Variants in FLNB observed in about 807,000 individuals in gnomAD.
The protein encoded by FLNB is filamin B.
FLNB carries 111 observed loss-of-function variants against 250.6 expected under a neutral mutation model. The observed-to-expected ratio is 0.44, with a 90% CI of 0.38 to 0.52. The LOEUF (loss-of-function observed/expected upper bound fraction) is 0.52. Among genes scored for constraint, FLNB ranks in the 20% least tolerant of loss-of-function variants. FLNB has a pLI of 0.00. For missense variants in FLNB, 2,869 were observed against 3,447.8 expected (o/e 0.83, Z 4.20); for synonymous variants, 1,302 against 1,372.1 (o/e 0.95, Z 1.13).
intron 43 of FLNB, chr3:58,163,632 A>G (rs1223700862): frequency 4.6e-6 from 2 of 432,574 alleles, no homozygotes; most frequent in Non-Finnish European, 8.6e-6. Context: ...TAGTCAGGGA[A>G]CACAGCACAG....
intron 8 of FLNB, among the ~76,000 whole-genome samples, chr3:58,100,371 A>ATATATATATATATATATAT (rs1273706014): frequency 2.0e-4 from 5 of 25,248 alleles, no homozygotes; most frequent in African/African-American, 9.1e-4. Flanking sequence ...ATGTAAAAAA[A>ATATATATATATATATATAT]AAATATATAT....
At chr3:58,056,105 ATTTTTTTT>A (rs781244971) in intron 1 of FLNB, among the ~76,000 whole-genome samples, 8 of 128,730 alleles carry the variant, frequency 6.2e-5, no homozygotes, top group South Asian at 2.3e-4. Flanking sequence ...TTATTTATTT[ATTTTTTTT>A]TTTTTTGAGG....
At chr3:58,114,714 T>TG (rs1267542382) in intron 18 of FLNB, among the ~76,000 whole-genome samples, 5 of 146,240 alleles carry the variant, frequency 3.4e-5, no homozygotes, top group African/African-American at 1.3e-4. Context: ...TCTGTTTTTT[T>TG]TTTTTGTTGT....
At position 58,118,900 on chromosome 3, in the gene FLNB, G is replaced by A. The variant is rs775497173; in HGVS notation, c.2774G>A (p.Gly925Asp). The A allele has an allele frequency of 1.2e-6, 2 of 1,613,948 alleles. No homozygotes were observed. The highest frequency in any genetic ancestry group is 4.5e-5 in the East Asian group (2 of 44,890). ...QGNMQVLVTY[G>D]GDPIPKSPFT... ...AACATGCAGGTTCTGGTGACTTACG[G>A]TGGCGATCCCATCCCTAAAAGCCCT... Residue 925 changes from glycine to aspartate, a missense_variant, in exon 19 of 46, where the codon GGT becomes GAT. Physicochemically the swap from Gly to Asp is moderately conservative, Grantham distance 94. Transcript: ENST00000295956.
intron 29 of FLNB, 102 bp downstream of exon 29, chr3:58,138,631 C>A (rs1163222461): frequency 2.7e-6 from 4 of 1,490,052 alleles, no homozygotes; most frequent in Non-Finnish European, 3.7e-6. Flanking sequence ...CCTTTTTTTT[C>A]CTTTGGAAAA....
In FLNB at chr3:58,130,739, A is replaced by C. The variant is rs1207993413; in HGVS notation, c.4223-2A>C. 1 of 1,612,322 alleles carries C rather than the reference A, an allele frequency of 6.2e-7. No homozygotes were observed. Among genetic ancestry groups the C allele is most frequent in the Non-Finnish European group, 8.5e-7 (1 of 1,179,328 alleles). ...CTCAGAATCCCACAACCTCTCTTCCAGGCAGCCCCTTCAGGGTTCCTGTGA... is the reference window on the plus strand; with the variant it reads ...CTCAGAATCCCACAACCTCTCTTCCCGGCAGCCCCTTCAGGGTTCCTGTGA... On this transcript the variant is annotated splice_acceptor_variant, in intron 24 of 45. Transcript: ENST00000295956. LOFTEE classifies it high-confidence loss of function.
chr3:58,089,519 C>T (rs1237219065), intron 4 of FLNB, among the ~76,000 whole-genome samples: 1 of 144,024 alleles, frequency 6.9e-6, no homozygotes, highest in Non-Finnish European at 1.5e-5. Context: ...GCCCTCCAGC[C>T]TGGGCAAGAA....
At chr3:58,065,914 TG>T (rs1304527200) in intron 1 of FLNB, among the ~76,000 whole-genome samples, 3 of 152,194 alleles carry the variant, frequency 2.0e-5, no homozygotes, top group African/African-American at 7.2e-5. Context: ...CAGTTGTAGC[TG>T]GAAGCTGTGA....
At chr3:58,009,485 C>T (rs1362835807) in intron 1 of FLNB, among the ~76,000 whole-genome samples, 4 of 152,160 alleles carry the variant, frequency 2.6e-5, no homozygotes, top group African/African-American at 9.7e-5. Flanking sequence ...GCTCTGGCCG[C>T]GCGCCGCAGG....
intron 4 of FLNB, among the ~76,000 whole-genome samples, chr3:58,090,223 C>T (rs1382206446): frequency 6.6e-6 from 1 of 152,008 alleles, no homozygotes; most frequent in African/African-American, 2.4e-5. Flanking sequence ...CTATCTTCCA[C>T]CTCCAAATCC....
At chr3:58,159,511 G>T (rs138965879) in intron 41 of FLNB, 43 bp from the exon 42 acceptor site, 1 of 1,611,966 alleles carries the variant, frequency 6.2e-7, no homozygotes, top group Non-Finnish European at 8.5e-7. Flanking sequence ...CACTGAGCAG[G>T]AACGCCGAGG....
At chr3:58,167,909 C>T (rs1005494484) in intron 43 of FLNB, among the ~76,000 whole-genome samples, 1 of 152,222 alleles carries the variant, frequency 6.6e-6, no homozygotes, top group African/African-American at 2.4e-5. Context: ...CTGGAATTCA[C>T]GGCAAAGTGG....
rs1038364552 is a variant in FLNB, at chr3:58,169,669, G to A, written c.7497G>A (p.Glu2499=). ...AGTCAGTGACCAGGTCGTCTACAGAGACCTGCTATAGCGCCATTCCCAAGG... is the reference window on the plus strand; with the variant it reads ...AGTCAGTGACCAGGTCGTCTACAGAAACCTGCTATAGCGCCATTCCCAAGG... ...LVESVTRSST[E]TCYSAIPKAS... Residue 2499 remains glutamate, a synonymous_variant, in exon 45 of 46, where the codon GAG becomes GAA. Coordinates refer to ENST00000295956, the MANE Select transcript of FLNB (RefSeq NM_001457.4). This position sits in a 1 kb window ranked among gnomAD's most constrained non-coding sequence, Gnocchi z 4.8. 3.1e-6 allele frequency: 5 copies of A among 1,614,132 alleles called. No homozygotes were observed. Among genetic ancestry groups the A allele is most frequent in the Non-Finnish European group, 4.2e-6 (5 of 1,180,010 alleles).
At chr3:58,128,817 C>T (rs1054352172) in intron 24 of FLNB, among the ~76,000 whole-genome samples, 3 of 152,094 alleles carry the variant, frequency 2.0e-5, no homozygotes, top group Non-Finnish European at 4.4e-5. Flanking sequence ...AGCAAATGGT[C>T]GTCTTTGAGC....
At chr3:58,155,894 G>A (rs1238290144) in intron 40 of FLNB, 66 bp from the exon 41 acceptor site, 2 of 1,139,780 alleles carry the variant, frequency 1.8e-6, no homozygotes, top group Non-Finnish European at 2.7e-6. Flanking sequence ...TTAGCCCTTG[G>A]TGAGAAGCAA....
rs918140458 is a variant in FLNB at position 58,106,062 on chromosome 3, G to A, written c.1748-618G>A. Among the ~76,000 whole-genome samples, 12 of 152,154 alleles carry A rather than the reference G, an allele frequency of 7.9e-5. No homozygotes were observed. The East Asian group carries it at 2.1e-3, about 27-fold the overall frequency. On this transcript the variant is annotated intron_variant, in intron 11 of 45. Transcript: ENST00000295956. ...TAGACAAGTCTTTATATCTTTATGC[G>A]TAAATATAGGGTATGCCTTCATTTT... is the stretch of plus-strand genomic sequence containing the variant.
At chr3:58,069,521 G>A (rs1042329903) in intron 1 of FLNB, among the ~76,000 whole-genome samples, 1 of 152,118 alleles carries the variant, frequency 6.6e-6, no homozygotes. Flanking sequence ...GATTATAGGC[G>A]TGAGCCACCA....
intron 1 of FLNB, among the ~76,000 whole-genome samples, chr3:58,063,565 C>T (rs544144159): frequency 1.3e-5 from 2 of 152,298 alleles, no homozygotes; most frequent in South Asian, 4.1e-4. Flanking sequence ...CTGAGGGCCT[C>T]CTTTCTTGTG....
chr3:58,131,032 T>C lies in FLNB; in HGVS notation c.4390+124T>C, dbSNP rs2097306524. The C allele has an allele frequency of 5.4e-6, 5 of 925,486 alleles. No homozygotes were observed. In the South Asian group the frequency reaches 8.2e-5, roughly 15 times the overall value. 57.3% of individuals were successfully genotyped at this position (925,486 alleles called of 1,614,324 possible). ...CTTAAAATTAAATTAAAAAAAATTA[T>C]TGTTTCATTTCTAGTTAAACAGTAG... On this transcript the variant is annotated intron_variant, in intron 25 of 45. Coordinates refer to ENST00000295956, the MANE Select transcript of FLNB (RefSeq NM_001457.4).
Sources: gnomAD v4.1 joint callset for allele counts (sites outside exome capture counted in the v4.1 genomes callset) on GRCh38, gnomAD v4.1.1 for gene constraint, Gnocchi (gnomAD v3.1) non-coding constraint, MANE v1.5 for transcripts, NCBI Gene and HGNC (gene_info 2026-07-23, HGNC 2026-07-21) for gene names.